PREP: variants seen among roughly 807,000 people sequenced by gnomAD.
PREP encodes dJ355L5.1 (prolyl endopeptidase).
Under a neutral mutation model 87.6 loss-of-function variants are expected in PREP, and 29 were observed. The observed-to-expected ratio is 0.33, with a 90% CI of 0.25 to 0.45. The LOEUF is 0.45. PREP is among the 20% of genes least tolerant of loss of function. The pLI is 1.00. For synonymous variants in PREP, 337 were observed against 328.6 expected, an observed-to-expected ratio of 1.03 and a Z score of -0.28; for missense variants, 695 against 886.5, an observed-to-expected ratio of 0.78 and a Z score of 2.74.
At chr6:105,349,347 C>A (rs1197720802) in intron 7 of PREP, among the ~76,000 whole-genome samples, 1 of 152,220 alleles carries the variant, frequency 6.6e-6, no homozygotes, top group Non-Finnish European at 1.5e-5. Context: ...ACTTATTTGA[C>A]AAAATGAATC....
At chr6:105,388,036 G>A (rs1773048186) in intron 2 of PREP, among the ~76,000 whole-genome samples, 1 of 152,180 alleles carries the variant, frequency 6.6e-6, no homozygotes, top group Admixed American at 6.5e-5. Context: ...AGAAAAGAGA[G>A]AGAATGAAAC....
In PREP at chr6:105,275,684, C is replaced by T. The variant is rs960736118; in HGVS notation, c.*2460G>A. Among the ~76,000 whole-genome samples the T allele has an allele frequency of 4.6e-5, 7 of 152,170 alleles. No individual in the cohort carries two copies. The highest frequency in any genetic ancestry group is 3.9e-4 in the East Asian group (2 of 5,192). ...ACAGCCAAGATAGGGAATCAACCCA[C>T]GTGCCCATCAGCAGATGAACAGATG... On this transcript the variant is annotated 3_prime_UTR_variant, in exon 15 of 15. Transcript: ENST00000652536.
intron 10 of PREP, among the ~76,000 whole-genome samples, chr6:105,312,932 T>C (rs943345491): frequency 2.0e-5 from 3 of 152,140 alleles, no homozygotes; most frequent in South Asian, 2.1e-4. Flanking sequence ...GAGGAGCATG[T>C]ACCCAACACA....
At position 105,387,701 on chromosome 6, in the gene PREP, A is replaced by G. The variant is rs148885475; in HGVS notation, c.120+10152T>C. ...AAATCTCATAATGTTTTCAGAGTCT[A>G]TGAATTTGTGTTGGGCCACATTCAA... On this transcript the variant is annotated intron_variant, in intron 2 of 14. Transcript: ENST00000652536. Among the ~76,000 whole-genome samples the G allele has an allele frequency of 2.0e-3, 299 of 152,328 alleles. 1 individual carries two copies. Among genetic ancestry groups the G allele is most frequent in the Middle Eastern group, 0.017 (5 of 294 alleles).
rs181885822 is a variant in PREP at position 105,302,143 on chromosome 6, A to C, written c.1318-13249T>G. On this transcript the variant is annotated intron_variant, in intron 10 of 14. Coordinates refer to ENST00000652536, the MANE Select transcript of PREP (RefSeq NM_002726.5). The stretch of plus-strand genomic sequence containing the variant: ...AGTTAATGAAGACACACAATCAGAC[A>C]TTTTCATTAAAAGTGAAGGAACCCT... 3.3e-5 allele frequency among the ~76,000 whole-genome samples: 5 copies of C among 152,286 alleles called. No homozygotes were observed. The East Asian group carries it at 7.7e-4, about 23-fold the overall frequency.
chr6:105,317,333 A>G (rs1019748480), intron 10 of PREP, among the ~76,000 whole-genome samples: 2 of 152,138 alleles, frequency 1.3e-5, no homozygotes, highest in Non-Finnish European at 2.9e-5. Flanking sequence ...CAAAATGTGC[A>G]GGATTAGCAT....
intron 7 of PREP, among the ~76,000 whole-genome samples, chr6:105,338,811 G>A (rs964229522): frequency 7.9e-5 from 12 of 152,168 alleles, no homozygotes; most frequent in African/African-American, 2.9e-4. Flanking sequence ...GTCTGAGATC[G>A]AACTGCAAGG....
At chr6:105,292,321 C>A (rs1479300096) in intron 10 of PREP, among the ~76,000 whole-genome samples, 4 of 152,160 alleles carry the variant, frequency 2.6e-5, no homozygotes, top group African/African-American at 7.2e-5. Flanking sequence ...CTCCTTGATC[C>A]ATGGGCTGCA....
At chr6:105,345,117 A>G (rs562908937) in intron 7 of PREP, among the ~76,000 whole-genome samples, 3 of 152,384 alleles carry the variant, frequency 2.0e-5, no homozygotes, top group East Asian at 3.9e-4. Flanking sequence ...GCTTTGGTAG[A>G]GAAATAAATC....
At chr6:105,337,218 T>C (rs1771505685) in intron 7 of PREP, among the ~76,000 whole-genome samples, 3 of 152,350 alleles carry the variant, frequency 2.0e-5, no homozygotes, top group Non-Finnish European at 1.5e-5. Context: ...GATTTGTGAC[T>C]TTACTGTGAA....
intron 6 of PREP, among the ~76,000 whole-genome samples, chr6:105,365,223 G>A (rs1772357367): frequency 6.6e-6 from 1 of 152,206 alleles, no homozygotes. Context: ...CTCCGCCCTG[G>A]GTGACAGAGT....
intron 8 of PREP, among the ~76,000 whole-genome samples, chr6:105,331,015 T>C (rs1771315475): frequency 6.6e-6 from 1 of 152,196 alleles, no homozygotes; most frequent in Non-Finnish European, 1.5e-5. Flanking sequence ...CAAAGAATAA[T>C]CAATCTGTAT....
chr6:105,372,699 G>A (rs1173365237), intron 5 of PREP, among the ~76,000 whole-genome samples: 3 of 152,188 alleles, frequency 2.0e-5, no homozygotes, highest in African/African-American at 4.8e-5. Flanking sequence ...GAGAATATGC[G>A]ATTACTGTAG....
intron 7 of PREP, among the ~76,000 whole-genome samples, chr6:105,339,638 G>GA (rs1415622104): frequency 6.6e-6 from 1 of 152,022 alleles, no homozygotes; most frequent in Non-Finnish European, 1.5e-5. Context: ...TAAAAACCTT[G>GA]AAAAAAGATT....
Position 105,278,443 on chromosome 6 carries a change from A to C in PREP, c.1839-5T>G. On this transcript the variant is annotated splice_region_variant and splice_polypyrimidine_tract_variant and intron_variant, in intron 14 of 14. Coordinates refer to ENST00000652536, the MANE Select transcript of PREP (RefSeq NM_002726.5). The surrounding 1 kb of genome is among the most constrained non-coding windows in gnomAD (Gnocchi z 4.2). ...ACATTATGCAATGGAGAGTATCTGGAAGGCAAAAACACCTTTGTGAGGCTG... is the reference window on the plus strand; with the variant it reads ...ACATTATGCAATGGAGAGTATCTGGCAGGCAAAAACACCTTTGTGAGGCTG... The C allele has an allele frequency of 6.2e-7, 1 of 1,605,292 alleles. No individual in the cohort carries two copies. Among genetic ancestry groups the C allele is most frequent in the Non-Finnish European group, 8.5e-7 (1 of 1,172,914 alleles).
chr6:105,379,811 C>T (rs1026336481), intron 2 of PREP, among the ~76,000 whole-genome samples: 1 of 152,216 alleles, frequency 6.6e-6, no homozygotes, highest in African/African-American at 2.4e-5. Context: ...AAATCCCTGT[C>T]ATCACGGAGC....
intron 9 of PREP, among the ~76,000 whole-genome samples, chr6:105,325,489 T>C (rs1771129836): frequency 6.6e-6 from 1 of 152,176 alleles, no homozygotes; most frequent in Non-Finnish European, 1.5e-5. Context: ...AACCACAGAA[T>C]GAAATAAATA....
intron 2 of PREP, among the ~76,000 whole-genome samples, chr6:105,380,440 A>G (rs1772807445): frequency 6.6e-6 from 1 of 152,058 alleles, no homozygotes; most frequent in Non-Finnish European, 1.5e-5. Flanking sequence ...TTGGGTAAGG[A>G]GATTTACTTT....
chr6:105,339,709 G>A (rs1229209966), intron 7 of PREP, among the ~76,000 whole-genome samples: 1 of 152,172 alleles, frequency 6.6e-6, no homozygotes, highest in Non-Finnish European at 1.5e-5. Flanking sequence ...TGATGGAGCT[G>A]AAAACCATGG....
Sources: allele counts gnomAD v4.1 joint callset (sites outside exome capture counted in the v4.1 genomes callset), GRCh38; gene constraint gnomAD v4.1.1; non-coding constraint Gnocchi (gnomAD v3.1); transcripts MANE v1.5; gene names NCBI Gene and HGNC (gene_info 2026-07-23, HGNC 2026-07-21).